TSC22D3: variants seen among roughly 807,000 people sequenced by gnomAD.
The protein encoded by TSC22D3 is TSC22 domain family protein 3.
Under a neutral mutation model 11.1 loss-of-function variants are expected in TSC22D3, and 4 were observed. The observed-to-expected ratio is 0.36, with a 90% CI of 0.18 to 0.83. The LOEUF (loss-of-function observed/expected upper bound fraction) is 0.83. Ranked by LOEUF, TSC22D3 falls within the 40% of genes least tolerant of loss-of-function variation. The pLI, the probability that TSC22D3 is intolerant of heterozygous loss-of-function variation, is 0.48. For synonymous variants in TSC22D3, 77 were observed against 70.3 expected (o/e 1.10, Z -0.48); for missense variants, 118 against 159.4 (o/e 0.74, Z 1.40).
intron 1 of TSC22D3, chrX:107,716,500 T>C: frequency 9.8e-7 from 1 of 1,020,548 alleles, no homozygotes; most frequent in Non-Finnish European, 1.2e-6. Flanking sequence ...GCAGGGACGC[T>C]TCGATGACGG....
At chrX:107,724,393 A>G (rs1981174920) in intron 1 of TSC22D3, among the ~76,000 whole-genome samples, 1 of 113,326 alleles carries the variant, frequency 8.8e-6, no homozygotes, top group African/African-American at 3.2e-5. Flanking sequence ...TTTGAGAATC[A>G]CTGACAAGGA....
intron 1 of TSC22D3, among the ~76,000 whole-genome samples, chrX:107,721,463 G>C (rs983046730): frequency 5.4e-5 from 6 of 111,829 alleles, no homozygotes; most frequent in Non-Finnish European, 1.1e-4. Flanking sequence ...ATTCAGGGCG[G>C]GTGCGGTAGG....
At chrX:107,757,918 C>T (rs1312823915) in intron 1 of TSC22D3, among the ~76,000 whole-genome samples, 1 of 111,170 alleles carries the variant, frequency 9.0e-6, no homozygotes, top group Non-Finnish European at 1.9e-5. Context: ...TTGTGATGCA[C>T]AGTCCCAGCT....
rs112805250 is a variant in TSC22D3, at chrX:107,714,760, G to A, written c.373-11C>T. On this transcript the variant is annotated splice_polypyrimidine_tract_variant and intron_variant, in intron 2 of 2. Coordinates refer to ENST00000372383, the MANE Select transcript of TSC22D3 (RefSeq NM_198057.3). ...ATTCTTCACCAGATCCTGCCAATGA[G>A]GGAATCATAACAAAGCCATTCCTTA... is the stretch of plus-strand genomic sequence containing the variant. The A allele has an allele frequency of 8.3e-7, 1 of 1,202,274 alleles. No individual in the cohort carries two copies. Among genetic ancestry groups the A allele is most frequent in the African/African-American group, 1.8e-5 (1 of 57,100 alleles).
Position 107,714,756 on chromosome X carries a change from A to G in TSC22D3, c.373-7T>C, listed in dbSNP as rs753316961. 2.0e-5 allele frequency: 24 copies of G among 1,205,860 alleles called. No homozygotes were observed. The South Asian group carries it at 4.2e-4, about 21-fold the overall frequency. ...GATGATTCTTCACCAGATCCTGCCA[A>G]TGAGGGAATCATAACAAAGCCATTC... On this transcript the variant is annotated splice_region_variant and splice_polypyrimidine_tract_variant and intron_variant, in intron 2 of 2. Transcript: ENST00000372383.
chrX:107,765,046 G>A (rs750727254), intron 1 of TSC22D3, among the ~76,000 whole-genome samples: 5 of 111,635 alleles, frequency 4.5e-5, no homozygotes, highest in Admixed American at 2.8e-4. Context: ...TGGTGACTCC[G>A]GGTTCCAGCC....
Position 107,724,515 on chromosome X carries a change from G to A in TSC22D3, c.321-8565C>T, listed in dbSNP as rs150774715. On this transcript the variant is annotated intron_variant, in intron 1 of 2. Transcript: ENST00000372383. ...AATTCACAGATAGCCAGGCAGAGTG[G>A]GGCATCCGCCCCCCTTCCCCTATGT... Among the ~76,000 whole-genome samples, 112 of 113,419 alleles carry A rather than the reference G, an allele frequency of 9.9e-4. 3 individuals carry two copies. The highest frequency in any genetic ancestry group is 3.3e-3 in the African/African-American group (104 of 31,296).
chrX:107,720,478 G>A (rs1927269662), intron 1 of TSC22D3, among the ~76,000 whole-genome samples: 1 of 112,021 alleles, frequency 8.9e-6, no homozygotes, highest in African/African-American at 3.3e-5. Context: ...GATCACCTGA[G>A]GTCAGGAGTT....
chrX:107,725,838 G>C (rs1032710383), intron 1 of TSC22D3, among the ~76,000 whole-genome samples: 2 of 111,421 alleles, frequency 1.8e-5, no homozygotes, highest in African/African-American at 6.5e-5. Flanking sequence ...TTGTGGGAAA[G>C]AGAGAACCCA....
intron 1 of TSC22D3, among the ~76,000 whole-genome samples, chrX:107,751,577 A>G (rs1003084860): frequency 1.8e-5 from 2 of 112,123 alleles, no homozygotes; most frequent in Admixed American, 1.9e-4. Flanking sequence ...TAAAAAGTCA[A>G]CTGAGTCAGG....
At chrX:107,754,396 C>G (rs895630944) in intron 1 of TSC22D3, among the ~76,000 whole-genome samples, 8 of 111,884 alleles carry the variant, frequency 7.2e-5, no homozygotes, top group Non-Finnish European at 1.3e-4. Context: ...TCTTTATGCA[C>G]TACTTGGGCT....
chrX:107,733,186 G>A (rs1443264462), intron 1 of TSC22D3, among the ~76,000 whole-genome samples: 2 of 111,773 alleles, frequency 1.8e-5, no homozygotes, highest in Admixed American at 1.9e-4. Flanking sequence ...TCAAGTGGGG[G>A]TAATCACCCC....
chrX:107,728,610 G>T (rs572046325), intron 1 of TSC22D3, among the ~76,000 whole-genome samples: 79 of 112,252 alleles, frequency 7.0e-4, no homozygotes, highest in South Asian at 2.6e-3. Flanking sequence ...GGGCTAGCAG[G>T]CCTGACGCTC....
intron 1 of TSC22D3, among the ~76,000 whole-genome samples, chrX:107,734,510 G>A (rs73636313): frequency 9.0e-6 from 1 of 111,604 alleles, no homozygotes; most frequent in Non-Finnish European, 1.9e-5. Context: ...TCATTTTTTG[G>A]CCCCTGCCAC....
At chrX:107,722,202 A>C (rs1227361163) in intron 1 of TSC22D3, 14 of 210,614 alleles carry the variant, frequency 6.6e-5, no homozygotes, top group Non-Finnish European at 8.6e-5. Context: ...GGCGATGATG[A>C]GTGGGAGGGA....
chrX:107,730,519 C>T (rs1247546072), intron 1 of TSC22D3, among the ~76,000 whole-genome samples: 2 of 111,121 alleles, frequency 1.8e-5, no homozygotes, highest in Admixed American at 9.5e-5. Flanking sequence ...GAAGAGTAAG[C>T]CCCCCCGGAA....
chrX:107,729,686 TC>T (rs909701679), intron 1 of TSC22D3, among the ~76,000 whole-genome samples: 18 of 112,182 alleles, frequency 1.6e-4, no homozygotes, highest in Admixed American at 9.3e-5. Context: ...GGGCTGGGCA[TC>T]CCCCTCTCCA....
intron 1 of TSC22D3, among the ~76,000 whole-genome samples, chrX:107,754,216 C>T (rs1929070694): frequency 9.0e-6 from 1 of 111,214 alleles, no homozygotes. Context: ...CCGCGCCTGG[C>T]CTATCATGGT....
chrX:107,715,563 A>G (rs957100230), intron 2 of TSC22D3, among the ~76,000 whole-genome samples: 5 of 112,348 alleles, frequency 4.5e-5, no homozygotes, highest in Admixed American at 3.7e-4. Context: ...TGTTGCATCC[A>G]ATGAGCTCAG....
Sources: gnomAD v4.1 joint callset for allele counts (sites outside exome capture counted in the v4.1 genomes callset) on GRCh38, gnomAD v4.1.1 for gene constraint, MANE v1.5 for transcripts, NCBI Gene and HGNC (gene_info 2026-07-23, HGNC 2026-07-21) for gene names.